Variants in PCBP3 observed in about 807,000 individuals in gnomAD.
PCBP3 encodes poly(rC)-binding protein 3.
In PCBP3, 25 loss-of-function variants were observed where a neutral mutation model predicts 52.7. That is an observed-to-expected ratio of 0.47 (90% CI 0.35 to 0.66). The LOEUF (loss-of-function observed/expected upper bound fraction) is 0.66, where lower values mean the gene tolerates loss of function less well. Ranked by LOEUF, PCBP3 falls within the 30% of genes least tolerant of loss-of-function variation. The pLI is 0.01. For synonymous variants in PCBP3, 162 were observed against 183.0 expected, an observed-to-expected ratio of 0.89 and a Z score of 0.93; for missense variants, 391 against 490.3, an observed-to-expected ratio of 0.80 and a Z score of 1.91.
chr21:45,645,865 C>T (rs2079215813), intron 1 of PCBP3, among the ~76,000 whole-genome samples: 1 of 152,154 alleles, frequency 6.6e-6, no homozygotes, highest in Admixed American at 6.5e-5. Flanking sequence ...GTGAAGAAGG[C>T]AGTGCTTTGG....
chr21:45,665,833 G>C (rs2080759753), intron 1 of PCBP3, among the ~76,000 whole-genome samples: 1 of 152,096 alleles, frequency 6.6e-6, no homozygotes. Flanking sequence ...AAACTCTAGA[G>C]ACCAATATCA....
At chr21:45,706,503 GC>G (rs1235575293) in intron 2 of PCBP3, among the ~76,000 whole-genome samples, 2 of 150,138 alleles carry the variant, frequency 1.3e-5, no homozygotes, top group Non-Finnish European at 3.0e-5. Flanking sequence ...TCTCTCTACT[GC>G]CCCCCTTTCC....
chr21:45,918,069 C>T, intron 13 of PCBP3: 1 of 268,254 alleles, frequency 3.7e-6, no homozygotes, highest in Non-Finnish European at 7.3e-6. Context: ...AATTAACTCC[C>T]CCTTTCAGAG....
At chr21:45,820,160 C>T (rs924335027) in intron 4 of PCBP3, among the ~76,000 whole-genome samples, 1 of 152,236 alleles carries the variant, frequency 6.6e-6, no homozygotes, top group African/African-American at 2.4e-5. Flanking sequence ...TCCTGGCTCT[C>T]GGCTATGTGT....
At chr21:45,909,601 C>A in intron 10 of PCBP3, 115 bp downstream of exon 10, 1 of 1,009,108 alleles carries the variant, frequency 9.9e-7, no homozygotes, top group Non-Finnish European at 1.4e-6. Context: ...AAGCCCAATG[C>A]TGGCCACGCA....
rs886391876 is a variant in PCBP3, at chr21:45,821,430, C to T, written c.-125-28531C>T. On this transcript the variant is annotated intron_variant, in intron 4 of 17. Transcript: ENST00000681687. This position sits in a 1 kb window ranked among gnomAD's most constrained non-coding sequence, Gnocchi z 4.4. ...TTCTACAACACTCTTCCCCCTGCACCGTGCTGTGGGCCCCGCACCTTCCCC... is the reference window on the plus strand; with the variant it reads ...TTCTACAACACTCTTCCCCCTGCACTGTGCTGTGGGCCCCGCACCTTCCCC... 4.6e-5 allele frequency among the ~76,000 whole-genome samples: 7 copies of T among 150,604 alleles called. No individual in the cohort carries two copies. The highest frequency in any genetic ancestry group is 2.0e-4 in the East Asian group (1 of 5,080).
intron 4 of PCBP3, among the ~76,000 whole-genome samples, chr21:45,810,638 T>G (rs2092661134): frequency 6.6e-6 from 1 of 152,168 alleles, no homozygotes; most frequent in South Asian, 2.1e-4. Context: ...CACTTTCATT[T>G]TTCTCATCTC....
chr21:45,884,733 T>A lies in PCBP3; in HGVS notation c.11-11475T>A, dbSNP rs551990925. On this transcript the variant is annotated intron_variant, in intron 5 of 17. Coordinates refer to ENST00000681687, the MANE Select transcript of PCBP3 (RefSeq NM_001384156.1). Reference sequence around the variant, plus strand: ...GCACCACCACACCCAGCTAATTTTTTAAATTTTTTTGTAGAGACAGGGTTT... The same window carrying A: ...GCACCACCACACCCAGCTAATTTTTAAAATTTTTTTGTAGAGACAGGGTTT... Among the ~76,000 whole-genome samples, 8 of 152,280 alleles carry A rather than the reference T, an allele frequency of 5.3e-5. No individual in the cohort carries two copies. The East Asian group carries it at 1.4e-3, about 26-fold the overall frequency.
chr21:45,769,942 TG>T (rs2089716300), intron 4 of PCBP3, among the ~76,000 whole-genome samples: 1 of 152,238 alleles, frequency 6.6e-6, no homozygotes, highest in African/African-American at 2.4e-5. Context: ...GAAGACAAAA[TG>T]GAAGAAGAAC....
intron 3 of PCBP3, among the ~76,000 whole-genome samples, 36 bp from the exon 4 acceptor site, chr21:45,755,381 G>A (rs762334856): frequency 6.6e-6 from 1 of 152,022 alleles, no homozygotes; most frequent in African/African-American, 2.4e-5. Flanking sequence ...TTCTTGTACC[G>A]GTCTTTATGT....
intron 5 of PCBP3, among the ~76,000 whole-genome samples, chr21:45,856,702 A>G (rs1296595606): frequency 6.6e-6 from 1 of 152,198 alleles, no homozygotes; most frequent in East Asian, 1.9e-4. Flanking sequence ...ATATTTGAAG[A>G]GATTTATTCT....
chr21:45,798,209 T>C (rs2092099193), intron 4 of PCBP3, among the ~76,000 whole-genome samples: 1 of 149,790 alleles, frequency 6.7e-6, no homozygotes, highest in Non-Finnish European at 1.5e-5. Context: ...AATGCATGGA[T>C]CCATAGAGAG....
At chr21:45,878,692 T>C (rs2095328015) in intron 5 of PCBP3, among the ~76,000 whole-genome samples, 1 of 152,212 alleles carries the variant, frequency 6.6e-6, no homozygotes, top group African/African-American at 2.4e-5. Flanking sequence ...CACTGCCCGA[T>C]AAAATAAAAA....
chr21:45,660,103 TG>T (rs2080286455), intron 1 of PCBP3, among the ~76,000 whole-genome samples: 1 of 152,062 alleles, frequency 6.6e-6, no homozygotes, highest in Non-Finnish European at 1.5e-5. Context: ...CTTAATTTTT[TG>T]TTTCATGCAT....
chr21:45,800,535 G>T lies in PCBP3; in HGVS notation c.-126+45083G>T, dbSNP rs1268984924. On this transcript the variant is annotated intron_variant, in intron 4 of 17. Transcript: ENST00000681687. This position sits in a 1 kb window ranked among gnomAD's most constrained non-coding sequence, Gnocchi z 5.3. ...GACCCTGAGGCCCCCTCCCTGCCAT[G>T]CCTCTAACCCACCCAACACCACCAG... Among the ~76,000 whole-genome samples the T allele has an allele frequency of 6.6e-6, 1 of 152,074 alleles. No individual in the cohort carries two copies. Among genetic ancestry groups the T allele is most frequent in the Non-Finnish European group, 1.5e-5 (1 of 68,006 alleles).
intron 2 of PCBP3, among the ~76,000 whole-genome samples, chr21:45,723,109 G>A (rs2049496474): frequency 6.6e-6 from 1 of 152,270 alleles, no homozygotes; most frequent in Admixed American, 6.5e-5. Context: ...GGAAGTGCAG[G>A]TGCTTTTACA....
At chr21:45,850,646 G>T (rs1437983092) in intron 5 of PCBP3, among the ~76,000 whole-genome samples, 2 of 152,118 alleles carry the variant, frequency 1.3e-5, no homozygotes, top group African/African-American at 4.8e-5. Flanking sequence ...CAAGAAGTAG[G>T]TCACCAAAAA....
At chr21:45,911,065 T>C (rs568556049) in intron 11 of PCBP3, 35 bp downstream of exon 11, 10 of 1,602,294 alleles carry the variant, frequency 6.2e-6, no homozygotes, top group Admixed American at 1.7e-5. Flanking sequence ...CCCACGTCAG[T>C]GCTGGATTTG....
intron 2 of PCBP3, among the ~76,000 whole-genome samples, chr21:45,726,601 C>G (rs1280591763): frequency 6.6e-6 from 1 of 152,204 alleles, no homozygotes; most frequent in Non-Finnish European, 1.5e-5. Context: ...CCAGGCCTGT[C>G]CATCTGTCCC....
Sources: allele counts gnomAD v4.1 joint callset (sites outside exome capture counted in the v4.1 genomes callset), GRCh38; gene constraint gnomAD v4.1.1; non-coding constraint Gnocchi (gnomAD v3.1); transcripts MANE v1.5; gene names NCBI Gene and HGNC (gene_info 2026-07-23, HGNC 2026-07-21).